The following PRKCZ variants were observed in gnomAD, a reference collection of about 807,000 sequenced individuals.
The protein encoded by PRKCZ is protein kinase C zeta, also known as protein kinase C zeta type.
A neutral mutation model predicts 79.5 loss-of-function variants in PRKCZ; 33 were observed. That is an observed-to-expected ratio of 0.41 (90% CI 0.31 to 0.55). The LOEUF (loss-of-function observed/expected upper bound fraction) is 0.55. PRKCZ is among the 20% of genes least tolerant of loss of function. PRKCZ has a pLI of 0.19. For synonymous variants in PRKCZ, 342 were observed against 320.9 expected (o/e 1.07, Z -0.70); for missense variants, 578 against 813.5 (o/e 0.71, Z 3.52).
rs1684383978 is a variant in PRKCZ, at chr1:2,171,325, G to A, written c.1062-730G>A. On this transcript the variant is annotated intron_variant, in intron 11 of 17. Transcript: ENST00000378567. Reference sequence around the variant, plus strand: ...CCATTGCACTCCAGCCTGGGTGACAGAGTGAAACTCTGTCTCAAAAAAAAA... The same window carrying A: ...CCATTGCACTCCAGCCTGGGTGACAAAGTGAAACTCTGTCTCAAAAAAAAA... Among the ~76,000 whole-genome samples the A allele has an allele frequency of 2.2e-5, 3 of 137,680 alleles. No homozygotes were observed. The South Asian group carries it at 7.5e-4, about 34-fold the overall frequency. The allele number at this position is 137,680 out of a possible 152,430, so 90.3% of individuals were successfully genotyped here.
At chr1:2,078,888 G>A (rs548016398) in intron 4 of PRKCZ, among the ~76,000 whole-genome samples, 1 of 149,914 alleles carries the variant, frequency 6.7e-6, no homozygotes, top group African/African-American at 2.5e-5. Context: ...TGTCGCCCAG[G>A]CTGGAGTGCA....
intron 4 of PRKCZ, among the ~76,000 whole-genome samples, chr1:2,087,886 G>A (rs1009687414): frequency 1.3e-5 from 2 of 152,200 alleles, no homozygotes; most frequent in South Asian, 4.1e-4. Context: ...CAGGCCCTCG[G>A]GAGCCAGGCA....
rs561707625 is a variant in PRKCZ, at chr1:2,167,361, C to A, written c.975-2157C>A. ...GCTTTTCTCTAGAATTCATGTATTT[C>A]TTTATTTTCTCTGGAAATGGCATTG... is the stretch of plus-strand genomic sequence containing the variant. On this transcript the variant is annotated intron_variant, in intron 10 of 17. Coordinates refer to ENST00000378567, the MANE Select transcript of PRKCZ (RefSeq NM_002744.6). 1.2e-4 allele frequency among the ~76,000 whole-genome samples: 18 copies of A among 152,340 alleles called. No homozygotes were observed. The East Asian group carries it at 3.3e-3, about 28-fold the overall frequency.
At chr1:2,151,773 C>A in intron 9 of PRKCZ, among the ~76,000 whole-genome samples, 1 of 152,210 alleles carries the variant, frequency 6.6e-6, no homozygotes. Context: ...CCTCCCACTT[C>A]AGCCTCTGGA....
intron 4 of PRKCZ, among the ~76,000 whole-genome samples, chr1:2,088,597 C>T (rs1408005620): frequency 2.0e-5 from 3 of 152,208 alleles, no homozygotes; most frequent in Non-Finnish European, 2.9e-5. Context: ...CCAGGATGAG[C>T]CCAGCAGAGT....
At chr1:2,146,445 C>T (rs577432938) in intron 7 of PRKCZ, among the ~76,000 whole-genome samples, 9 of 152,336 alleles carry the variant, frequency 5.9e-5, no homozygotes, top group African/African-American at 1.2e-4. Flanking sequence ...CCACCATGGC[C>T]GGGCACCTCC....
intron 4 of PRKCZ, among the ~76,000 whole-genome samples, chr1:2,124,565 G>T (rs571889760): frequency 6.6e-6 from 1 of 152,108 alleles, no homozygotes; most frequent in Non-Finnish European, 1.5e-5. Context: ...GAGATACCCC[G>T]CCCTGCAGGT....
intron 5 of PRKCZ, chr1:2,142,327 GCCGAAGCGCC>G: frequency 6.5e-6 from 1 of 153,092 alleles, no homozygotes; most frequent in Admixed American, 7.9e-5. Flanking sequence ...GCATCCAGCA[GCCGAAGCGCC>G]TCCTTTCAAT....
In PRKCZ at chr1:2,149,722, A is replaced by G. The variant is rs1679444335; in HGVS notation, c.687+798A>G. Among the ~76,000 whole-genome samples the G allele has an allele frequency of 6.6e-6, 1 of 152,104 alleles. No individual in the cohort carries two copies. The highest frequency in any genetic ancestry group is 2.1e-4 in the South Asian group (1 of 4,824). ...ATAAATACAAAATAATTAGCTGGGC[A>G]TGGTGGCACGGGCCTGTGGTCCTAG... is the stretch of plus-strand genomic sequence containing the variant. On this transcript the variant is annotated intron_variant, in intron 8 of 17. Transcript: ENST00000378567. The surrounding 1 kb of genome is among the most constrained non-coding windows in gnomAD (Gnocchi z 4.1).
intron 4 of PRKCZ, among the ~76,000 whole-genome samples, chr1:2,077,339 G>A (rs1228866318): frequency 6.6e-6 from 1 of 152,216 alleles, no homozygotes; most frequent in Non-Finnish European, 1.5e-5. Flanking sequence ...TCAACCGACT[G>A]CAAGACGGAG....
intron 16 of PRKCZ, among the ~76,000 whole-genome samples, chr1:2,176,162 C>T (rs1040134727): frequency 6.6e-6 from 1 of 152,100 alleles, no homozygotes; most frequent in African/African-American, 2.4e-5. Flanking sequence ...TTGACCGTTC[C>T]CCAGCTGGCC....
chr1:2,119,852 T>C (rs1199110911), intron 4 of PRKCZ, among the ~76,000 whole-genome samples: 1 of 151,138 alleles, frequency 6.6e-6, no homozygotes, highest in Non-Finnish European at 1.5e-5. Flanking sequence ...AGTGGTGTGA[T>C]TTTGGCTCAC....
rs137979295 is a variant in PRKCZ at position 2,172,384 on chromosome 1, G to A, written c.1281G>A (p.Glu427=). 1.2e-5 allele frequency: 20 copies of A among 1,612,352 alleles called. No individual in the cohort carries two copies. In the African/African-American group the frequency reaches 2.4e-4, roughly 19 times the overall value. ...CCCCCGAAATCCTGCGGGGAGAGGA[G>A]TACGGTGAGTGCCGCTGCCCTGGCC... ...YIAPEILRGE[E]YGFSVDWWAL... The change falls in exon 13 of 18, where the codon GAG becomes GAA. Residue 427 remains glutamate (E), a synonymous_variant. Coordinates refer to ENST00000378567, the MANE Select transcript of PRKCZ (RefSeq NM_002744.6). The surrounding 1 kb of genome is among the most constrained non-coding windows in gnomAD (Gnocchi z 7.8).
intron 10 of PRKCZ, among the ~76,000 whole-genome samples, chr1:2,162,875 C>T (rs1682592081): frequency 6.6e-6 from 1 of 151,640 alleles, no homozygotes; most frequent in South Asian, 2.1e-4. Context: ...GGCCCCATGG[C>T]TTCTGAGTTC....
intron 3 of PRKCZ, among the ~76,000 whole-genome samples, 200 bp from the exon 4 acceptor site, chr1:2,059,341 C>T (rs958336820): frequency 3.9e-5 from 6 of 152,172 alleles, no homozygotes; most frequent in African/African-American, 1.4e-4. Context: ...TAAGTTTTTC[C>T]GTGGGTTTTA....
intron 4 of PRKCZ, among the ~76,000 whole-genome samples, chr1:2,129,086 G>A (rs1326711342): frequency 6.6e-6 from 1 of 152,264 alleles, no homozygotes; most frequent in Middle Eastern, 3.4e-3. Flanking sequence ...ATCCCTGCCT[G>A]CGGGCCCAGA....
At chr1:2,079,554 C>T (rs565768477) in intron 4 of PRKCZ, among the ~76,000 whole-genome samples, 9 of 152,344 alleles carry the variant, frequency 5.9e-5, no homozygotes, top group East Asian at 5.8e-4. Context: ...CACCGTGTCC[C>T]GGACCCTCAT....
intron 10 of PRKCZ, among the ~76,000 whole-genome samples, chr1:2,157,657 C>G (rs1053137582): frequency 3.3e-5 from 5 of 151,780 alleles, no homozygotes; most frequent in Admixed American, 6.6e-5. Flanking sequence ...CTGCCCTCTG[C>G]AGCCTCCCAA....
At position 2,173,691 on chromosome 1, in the gene PRKCZ, T is replaced by C. The variant is rs1326532889; in HGVS notation, c.1286-206T>C. 1.3e-5 allele frequency among the ~76,000 whole-genome samples: 2 copies of C among 152,186 alleles called. No homozygotes were observed. Among genetic ancestry groups the C allele is most frequent in the Non-Finnish European group, 2.9e-5 (2 of 68,020 alleles). ...GAGGCAGCCTGGGAGACCTCCGTAGTGTCAGGGACGGTGGCAGGGAGGCCG... is the reference window on the plus strand; with the variant it reads ...GAGGCAGCCTGGGAGACCTCCGTAGCGTCAGGGACGGTGGCAGGGAGGCCG... On this transcript the variant is annotated intron_variant, in intron 13 of 17. Transcript: ENST00000378567. The surrounding 1 kb of genome is among the most constrained non-coding windows in gnomAD (Gnocchi z 5.7).
Sources: gnomAD v4.1 joint callset for allele counts (sites outside exome capture counted in the v4.1 genomes callset) on GRCh38, gnomAD v4.1.1 for gene constraint, Gnocchi (gnomAD v3.1) non-coding constraint, MANE v1.5 for transcripts, NCBI Gene and HGNC (gene_info 2026-07-23, HGNC 2026-07-21) for gene names.